Variants in GPC5 observed in about 807,000 individuals in gnomAD.
GPC5 encodes glypican 5.
A neutral mutation model predicts 53.9 loss-of-function variants in GPC5; 47 were observed. That is an observed-to-expected ratio of 0.87 (90% CI 0.69 to 1.11). The LOEUF is 1.11. Ranked by LOEUF, GPC5 falls within the 50% of genes most tolerant of loss-of-function variation. The pLI, the probability that GPC5 is intolerant of heterozygous loss-of-function variation, is 0.00. For missense variants in GPC5, 748 were observed against 713.1 expected (o/e 1.05, Z -0.56); for synonymous variants, 286 against 263.3 (o/e 1.09, Z -0.84).
intron 5 of GPC5, among the ~76,000 whole-genome samples, chr13:91,828,190 T>A (rs2038603418): frequency 1.3e-5 from 2 of 152,080 alleles, no homozygotes; most frequent in South Asian, 4.1e-4. Context: ...TACTTTAATG[T>A]TTCTTATCTT....
intron 5 of GPC5, among the ~76,000 whole-genome samples, chr13:91,878,009 T>C (rs1364142248): frequency 6.6e-6 from 1 of 152,180 alleles, no homozygotes; most frequent in African/African-American, 2.4e-5. Flanking sequence ...GCCATTGCCA[T>C]GTGAGAAGTG....
At chr13:92,596,180 G>A (rs1883874607) in intron 7 of GPC5, among the ~76,000 whole-genome samples, 1 of 146,326 alleles carries the variant, frequency 6.8e-6, no homozygotes, top group Non-Finnish European at 1.6e-5. Context: ...TTAACTAGTG[G>A]CAGTCCCCAA....
chr13:92,301,429 A>G (rs973656268), intron 7 of GPC5, among the ~76,000 whole-genome samples: 3 of 152,216 alleles, frequency 2.0e-5, no homozygotes, highest in Non-Finnish European at 4.4e-5. Flanking sequence ...TACAGTAGCA[A>G]GAAAACTATC....
At chr13:92,720,984 C>A (rs2139286591) in intron 7 of GPC5, among the ~76,000 whole-genome samples, 1 of 152,152 alleles carries the variant, frequency 6.6e-6, no homozygotes, top group South Asian at 2.1e-4. Context: ...GAAGTGTTTT[C>A]TCTCTCTGTA....
intron 5 of GPC5, among the ~76,000 whole-genome samples, chr13:91,789,874 G>A (rs1423439795): frequency 6.6e-6 from 1 of 152,138 alleles, no homozygotes; most frequent in Admixed American, 6.5e-5. Context: ...TTCGTGCTCA[G>A]TCAAACAAAA....
intron 2 of GPC5, among the ~76,000 whole-genome samples, chr13:91,575,949 G>A (rs1215047436): frequency 6.6e-6 from 1 of 152,122 alleles, no homozygotes; most frequent in Non-Finnish European, 1.5e-5. Context: ...TATTAGGTAA[G>A]AATATATTAG....
chr13:92,253,901 G>C (rs1047047185), intron 7 of GPC5, among the ~76,000 whole-genome samples: 3 of 152,020 alleles, frequency 2.0e-5, no homozygotes, highest in Non-Finnish European at 4.4e-5. Flanking sequence ...AAGAGGATTT[G>C]TTACAAAATG....
intron 5 of GPC5, among the ~76,000 whole-genome samples, chr13:91,786,405 C>A (rs1474890371): frequency 6.6e-6 from 1 of 152,218 alleles, no homozygotes; most frequent in African/African-American, 2.4e-5. Flanking sequence ...CCTGCTCTCC[C>A]TTCCTTACTC....
intron 6 of GPC5, among the ~76,000 whole-genome samples, chr13:91,997,793 T>C (rs568978307): frequency 2.0e-5 from 3 of 152,324 alleles, no homozygotes; most frequent in East Asian, 1.9e-4. Flanking sequence ...GTGCTGGGAT[T>C]ACAGGCGTGA....
intron 5 of GPC5, among the ~76,000 whole-genome samples, chr13:91,854,223 GAT>G (rs1281198362): frequency 6.6e-6 from 1 of 151,694 alleles, no homozygotes; most frequent in Non-Finnish European, 1.5e-5. Flanking sequence ...AACAAATAAA[GAT>G]ATTGAAAATT....
chr13:92,356,624 C>T (rs769023726), intron 7 of GPC5, among the ~76,000 whole-genome samples: 1 of 152,050 alleles, frequency 6.6e-6, no homozygotes, highest in Non-Finnish European at 1.5e-5. Context: ...TCTCAGATGA[C>T]TCTATGGTAT....
At chr13:92,548,715 C>CAA (rs1882209778) in intron 7 of GPC5, among the ~76,000 whole-genome samples, 1 of 152,080 alleles carries the variant, frequency 6.6e-6, no homozygotes. Context: ...GGTGTAATCT[C>CAA]AATACCTTAA....
At chr13:92,039,655 G>A (rs2040926490) in intron 6 of GPC5, among the ~76,000 whole-genome samples, 2 of 152,306 alleles carry the variant, frequency 1.3e-5, no homozygotes, top group South Asian at 4.1e-4. Context: ...TTTCTGGAGG[G>A]TAAATGCATG....
chr13:92,729,527 T>C (rs1056233267), intron 7 of GPC5, among the ~76,000 whole-genome samples: 3 of 151,454 alleles, frequency 2.0e-5, no homozygotes, highest in South Asian at 2.1e-4. Flanking sequence ...TTTAAAAATA[T>C]GGCTACTAGA....
chr13:91,704,582 G>T (rs1017551084), intron 3 of GPC5, among the ~76,000 whole-genome samples: 4 of 152,184 alleles, frequency 2.6e-5, no homozygotes, highest in Admixed American at 6.5e-5. Context: ...CATGGCCACA[G>T]AAAACCACAG....
At chr13:92,319,685 A>C (rs185367109) in intron 7 of GPC5, among the ~76,000 whole-genome samples, 3 of 152,262 alleles carry the variant, frequency 2.0e-5, no homozygotes, top group Non-Finnish European at 4.4e-5. Context: ...TCTTAATATA[A>C]TAAGTAGCTT....
At chr13:91,694,723 C>T (rs1024349999) in intron 3 of GPC5, among the ~76,000 whole-genome samples, 10 of 152,174 alleles carry the variant, frequency 6.6e-5, no homozygotes, top group African/African-American at 2.4e-4. Context: ...AAAGACATCT[C>T]CTTAGGCTGG....
intron 7 of GPC5, among the ~76,000 whole-genome samples, chr13:92,791,227 T>G (rs987111000): frequency 2.6e-5 from 4 of 152,110 alleles, no homozygotes; most frequent in African/African-American, 9.7e-5. Flanking sequence ...TTTACTGTAT[T>G]GCTGCACAAT....
chr13:91,446,019 G>T (rs909049757), intron 1 of GPC5, among the ~76,000 whole-genome samples: 8 of 152,152 alleles, frequency 5.3e-5, no homozygotes, highest in African/African-American at 1.9e-4. Flanking sequence ...TTACTGTGAA[G>T]ATCTTGTGCC....
Sources: gnomAD v4.1 joint callset for allele counts (sites outside exome capture counted in the v4.1 genomes callset) on GRCh38, gnomAD v4.1.1 for gene constraint, MANE v1.5 for transcripts, NCBI Gene and HGNC (gene_info 2026-07-23, HGNC 2026-07-21) for gene names.